Variants in FCSK observed in about 807,000 individuals in gnomAD.
FCSK encodes L-fucose kinase.
A neutral mutation model predicts 122.5 loss-of-function variants in FCSK; 123 were observed. That is an observed-to-expected ratio of 1.00 (90% confidence interval 0.87 to 1.17). The LOEUF (loss-of-function observed/expected upper bound fraction) is 1.17. Ranked by LOEUF, FCSK falls within the 50% of genes most tolerant of loss-of-function variation. The pLI is 0.00. For missense variants in FCSK, 1,366 were observed against 1,450.4 expected (o/e 0.94, Z 0.95); for synonymous variants, 620 against 625.5 (o/e 0.99, Z 0.13).
intron 7 of FCSK, 99 bp downstream of exon 7, chr16:70,467,570 C>T: frequency 1.1e-6 from 1 of 933,468 alleles, no homozygotes; most frequent in Non-Finnish European, 1.6e-6. Flanking sequence ...TCCTGGATTT[C>T]CTCGCATGTT....
chr16:70,474,165 G>C lies in FCSK; in HGVS notation c.1814G>C (p.Arg605Pro). ...GCAGGAGACCCTGGTGTGGCGGCAC[G>C]GGCACTGGCCTGTGTGGCGGACGTC... is the stretch of plus-strand genomic sequence containing the variant. Reference protein sequence around the residue: ...AGAGDPGVAARALACVADVLG... With the variant: ...AGAGDPGVAAPALACVADVLG... Residue 605 changes from arginine (R) to proline (P), a missense_variant, in exon 16 of 24, where the codon CGG becomes CCG. Arg to Pro is a moderately radical substitution (Grantham distance 103). Transcript: ENST00000288078. 6.4e-7 allele frequency: 1 copy of C among 1,557,532 alleles called. No individual in the cohort carries two copies. Among genetic ancestry groups the C allele is most frequent in the Non-Finnish European group, 8.7e-7 (1 of 1,151,220 alleles).
intron 8 of FCSK, 103 bp downstream of exon 8, chr16:70,468,069 T>G (rs997964662): frequency 1.2e-6 from 1 of 865,346 alleles, no homozygotes; most frequent in Non-Finnish European, 1.9e-6. Context: ...CAGGACAAGC[T>G]AGAGCTAGAA....
intron 6 of FCSK, 75 bp downstream of exon 6, chr16:70,467,029 C>A: frequency 1.4e-6 from 2 of 1,394,238 alleles, no homozygotes; most frequent in South Asian, 1.2e-5. Context: ...CCTTCTTGCC[C>A]ACCCTGCCTC....
At chr16:70,474,445 C>T (rs113895483) in intron 16 of FCSK, 83 bp from the exon 17 acceptor site, 167 of 1,545,098 alleles carry the variant, frequency 1.1e-4, no homozygotes, top group African/African-American at 2.2e-4. Flanking sequence ...TTGGGTACCC[C>T]GGGACAGTCA....
chr16:70,474,776 C>T lies in FCSK; in HGVS notation c.2156-14C>T, dbSNP rs2048745060. ...GCTTCTGTGACCAGCTTGAGTCTTG[C>T]CACACTGCCATAGGGGGCTGGAGTG... On this transcript the variant is annotated splice_polypyrimidine_tract_variant and intron_variant, in intron 17 of 23. Coordinates refer to ENST00000288078, the MANE Select transcript of FCSK (RefSeq NM_145059.3). The T allele has an allele frequency of 6.4e-7, 1 of 1,558,196 alleles. No homozygotes were observed.
At chr16:70,469,981 A>G (rs981315365) in intron 10 of FCSK, among the ~76,000 whole-genome samples, 2 of 151,782 alleles carry the variant, frequency 1.3e-5, no homozygotes, top group Admixed American at 6.6e-5. Context: ...AGTAGCTGGG[A>G]TTACAGGTGC....
In FCSK at chr16:70,464,167, C is replaced by G. The variant is rs567951607; in HGVS notation, c.234+393C>G. 4.6e-5 allele frequency among the ~76,000 whole-genome samples: 7 copies of G among 152,288 alleles called. No homozygotes were observed. The South Asian group carries it at 1.4e-3, about 32-fold the overall frequency. On this transcript the variant is annotated intron_variant, in intron 3 of 23. Transcript: ENST00000288078. ...GGTCCCGTGTCTCCCATGCAACCAG[C>G]CACTTCACCCGGTCACCTTGTCTGC...
At position 70,480,002 on chromosome 16, in the gene FCSK, C is replaced by A. The variant is rs1030740760; in HGVS notation, c.*322C>A. On this transcript the variant is annotated 3_prime_UTR_variant, in exon 24 of 24. Transcript: ENST00000288078. ...GGAAAGGGTTGACAGCCAGCCTTGG[C>A]ATATGGCTGGGAGTCCCTTAGCAAG... is the stretch of plus-strand genomic sequence containing the variant. 41 of 240,028 alleles carry A rather than the reference C, an allele frequency of 1.7e-4. No individual in the cohort carries two copies. The highest frequency in any genetic ancestry group is 5.7e-5 in the Non-Finnish European group (7 of 122,204). 14.9% of individuals were successfully genotyped at this position (240,028 alleles called of 1,614,324 possible). A position where few individuals can be genotyped will look rare whatever the true frequency, so the allele number is the denominator to read the frequency against.
At chr16:70,460,067 C>T (rs1046463964) in intron 1 of FCSK, among the ~76,000 whole-genome samples, 3 of 148,800 alleles carry the variant, frequency 2.0e-5, no homozygotes, top group African/African-American at 7.5e-5. Flanking sequence ...CCAAAGTGCT[C>T]GGATTATAGG....
At chr16:70,455,119 G>A (rs1271725228) in intron 1 of FCSK, among the ~76,000 whole-genome samples, 3 of 152,246 alleles carry the variant, frequency 2.0e-5, no homozygotes, top group African/African-American at 4.8e-5. Context: ...AAGGCAGCAA[G>A]TCAGAGTCCT....
Position 70,472,972 on chromosome 16 carries a change from C to T in FCSK, c.1407-11C>T. On this transcript the variant is annotated splice_polypyrimidine_tract_variant and intron_variant, in intron 14 of 23. Coordinates refer to ENST00000288078, the MANE Select transcript of FCSK (RefSeq NM_145059.3). ...CTTCCCTCCTGGGAATGTGCCTTCT[C>T]CCCACATCAGAGCCTGGGACCTGTG... 1.3e-6 allele frequency: 2 copies of T among 1,597,474 alleles called. No individual in the cohort carries two copies. The highest frequency in any genetic ancestry group is 1.7e-6 in the Non-Finnish European group (2 of 1,172,836).
In FCSK at chr16:70,471,721, C is replaced by T. The variant is rs557712813; in HGVS notation, c.1341+369C>T. Among the ~76,000 whole-genome samples, 5 of 152,194 alleles carry T rather than the reference C, an allele frequency of 3.3e-5. No individual in the cohort carries two copies. In the South Asian group the frequency reaches 8.3e-4, roughly 25 times the overall value. On this transcript the variant is annotated intron_variant, in intron 13 of 23. Transcript: ENST00000288078. The stretch of plus-strand genomic sequence containing the variant: ...TCAAGCGATTCTCCTGCCTCAGCCT[C>T]ACGAATAGCTGGGACTACCAGCGTG...
intron 18 of FCSK, 103 bp downstream of exon 18, chr16:70,475,114 G>A (rs2048763239): frequency 6.9e-6 from 8 of 1,157,894 alleles, no homozygotes; most frequent in East Asian, 5.2e-5. Flanking sequence ...GGGCCAGCCA[G>A]TCTGGCTGAG....
chr16:70,467,881 C>T lies in FCSK; in HGVS notation c.583-5C>T, dbSNP rs776642795. 1 of 1,613,566 alleles carries T rather than the reference C, an allele frequency of 6.2e-7. No homozygotes were observed. The highest frequency in any genetic ancestry group is 8.5e-7 in the Non-Finnish European group (1 of 1,179,476). On this transcript the variant is annotated splice_polypyrimidine_tract_variant and splice_region_variant and intron_variant, in intron 7 of 23. Coordinates refer to ENST00000288078, the MANE Select transcript of FCSK (RefSeq NM_145059.3). The stretch of plus-strand genomic sequence containing the variant: ...TCCGCTGATTCTGTTTCTCCCTGCA[C>T]ATAGGGCCTTGTTTTGGACATTTAC...
chr16:70,466,062 C>T (rs1001536542), intron 4 of FCSK, 70 bp from the exon 5 acceptor site: 2 of 1,538,232 alleles, frequency 1.3e-6, no homozygotes, highest in African/African-American at 1.4e-5. Flanking sequence ...TGGCTTTCTG[C>T]CTGCACAGCT....
At chr16:70,471,144 G>A in intron 12 of FCSK, 38 bp from the exon 13 acceptor site, 1 of 1,592,640 alleles carries the variant, frequency 6.3e-7, no homozygotes, top group Non-Finnish European at 8.6e-7. Context: ...GGTGTTGGGT[G>A]CCTGCCCACC....
rs541309334 is a variant in FCSK at position 70,466,899 on chromosome 16, G to A, written c.429G>A (p.Pro143=). The change falls in exon 6 of 24, where the codon CCG becomes CCA. Residue 143 remains proline, a synonymous_variant. Coordinates refer to ENST00000288078, the MANE Select transcript of FCSK (RefSeq NM_145059.3). The part of the protein sequence containing the change: ...IMTYRLGPGS[P]PGVWVCSTDM... Reference sequence around the variant, plus strand: ...CCCCACAGCTGGGCCCGGGCTCCCCGCCAGGCGTGTGGGTCTGCAGCACCG... The same window carrying A: ...CCCCACAGCTGGGCCCGGGCTCCCCACCAGGCGTGTGGGTCTGCAGCACCG... 12 of 1,613,562 alleles carry A rather than the reference G, an allele frequency of 7.4e-6. No individual in the cohort carries two copies. The highest frequency in any genetic ancestry group is 1.1e-5 in the South Asian group (1 of 91,076).
chr16:70,459,364 C>T (rs1277486582), intron 1 of FCSK, among the ~76,000 whole-genome samples: 2 of 152,050 alleles, frequency 1.3e-5, no homozygotes, highest in Non-Finnish European at 2.9e-5. Flanking sequence ...TGGTGAAACC[C>T]TGTCTTTACT....
intron 22 of FCSK, 141 bp from the exon 23 acceptor site, chr16:70,479,039 C>T (rs1448161298): frequency 2.0e-5 from 14 of 695,340 alleles, no homozygotes; most frequent in African/African-American, 1.8e-4. Flanking sequence ...AAGTGGGTTA[C>T]TCCTGGCTCC....
Sources: gnomAD v4.1 joint callset for allele counts (sites outside exome capture counted in the v4.1 genomes callset) on GRCh38, gnomAD v4.1.1 for gene constraint, MANE v1.5 for transcripts, NCBI Gene and HGNC (gene_info 2026-07-23, HGNC 2026-07-21) for gene names.